Variants in FOXN3 observed in about 807,000 individuals in gnomAD.
FOXN3 encodes forkhead box N3.
A neutral mutation model predicts 38.4 loss-of-function variants in FOXN3; 7 were observed. The ratio of observed to expected loss-of-function variants is 0.18; its 90% confidence interval spans 0.10 to 0.34. The LOEUF (loss-of-function observed/expected upper bound fraction) is 0.34, where lower values mean the gene tolerates loss of function less well. Ranked by LOEUF, FOXN3 falls within the 10% of genes least tolerant of loss-of-function variation. The pLI is 1.00. For missense variants in FOXN3, 456 were observed against 613.4 expected, an observed-to-expected ratio of 0.74 and a Z score of 2.71; for synonymous variants, 230 against 242.2, an observed-to-expected ratio of 0.95 and a Z score of 0.47.
chr14:89,523,793 C>T (rs1596307029), intron 1 of FOXN3, among the ~76,000 whole-genome samples: 2 of 151,762 alleles, frequency 1.3e-5, no homozygotes, highest in South Asian at 4.2e-4. Flanking sequence ...GACAGAGTCT[C>T]GCTCTGTCAC....
rs1430110429 is a variant in FOXN3, at chr14:89,451,734, C to T, written c.-14-39244G>A. Among the ~76,000 whole-genome samples, 3 of 152,248 alleles carry T rather than the reference C, an allele frequency of 2.0e-5. No individual in the cohort carries two copies. The South Asian group carries it at 6.2e-4, about 32-fold the overall frequency. On this transcript the variant is annotated intron_variant, in intron 1 of 6. Transcript: ENST00000345097. ...CACTTTTTTTATCTTCGACTGTATT[C>T]GCTCACTATCCATTTGAAAATTGTT...
intron 1 of FOXN3, among the ~76,000 whole-genome samples, chr14:89,605,883 C>T (rs1407453702): frequency 1.3e-5 from 2 of 151,944 alleles, no homozygotes; most frequent in East Asian, 1.9e-4. Flanking sequence ...GAGAGACTAA[C>T]GCAGGAGGAT....
chr14:89,481,118 T>C (rs1486760374), intron 1 of FOXN3, among the ~76,000 whole-genome samples: 2 of 150,634 alleles, frequency 1.3e-5, no homozygotes, highest in Non-Finnish European at 2.9e-5. Context: ...AACAAATGTG[T>C]AAATAAACTC....
rs141499964 is a variant in FOXN3 at position 89,572,674 on chromosome 14, C to T, written c.-15+46354G>A. Among the ~76,000 whole-genome samples the T allele has an allele frequency of 3.2e-3, 490 of 152,284 alleles. 2 individuals carry two copies. The highest frequency in any genetic ancestry group is 0.011 in the African/African-American group (470 of 41,552). ...TAAAAATAGAACTCTGACATGTTTA[C>T]AAAGATGCAGAGTGCTGGTTAAACA... is the stretch of plus-strand genomic sequence containing the variant. On this transcript the variant is annotated intron_variant, in intron 1 of 6. Coordinates refer to the FOXN3 transcript ENST00000345097.
chr14:89,180,354 A>G (rs1887634030), intron 5 of FOXN3, among the ~76,000 whole-genome samples: 1 of 152,194 alleles, frequency 6.6e-6, no homozygotes, highest in Non-Finnish European at 1.5e-5. Context: ...GGGGAGGGAC[A>G]GGACTGGGTC....
intron 3 of FOXN3, among the ~76,000 whole-genome samples, chr14:89,331,800 T>A (rs2139987031): frequency 6.6e-6 from 1 of 152,390 alleles, no homozygotes; most frequent in African/African-American, 2.4e-5. Flanking sequence ...GTATTTCTTA[T>A]TCTACTGTAT....
chr14:89,214,810 G>T (rs941075590), intron 4 of FOXN3, among the ~76,000 whole-genome samples: 5 of 152,206 alleles, frequency 3.3e-5, no homozygotes, highest in Admixed American at 1.3e-4. Context: ...GTATTTTCTT[G>T]AAAGAAAAAG....
intron 5 of FOXN3, among the ~76,000 whole-genome samples, chr14:89,171,866 T>A (rs1375498645): frequency 2.0e-5 from 3 of 152,122 alleles, no homozygotes; most frequent in African/African-American, 7.2e-5. Context: ...TATTCAGAGG[T>A]CCTGGACTGT....
intron 4 of FOXN3, chr14:89,190,505 TG>T: frequency 6.9e-7 from 1 of 1,445,206 alleles, no homozygotes; most frequent in Non-Finnish European, 9.7e-7. Context: ...TGTGTGTGTG[TG>T]TTTTTCCCCC....
At chr14:89,511,132 C>CTTTTCTTTTCTTTTCT (rs1225407343) in intron 1 of FOXN3, among the ~76,000 whole-genome samples, 5 of 32,866 alleles carry the variant, frequency 1.5e-4, no homozygotes, top group Non-Finnish European at 4.0e-4. Context: ...GTCTTTCTTT[C>CTTTTCTTTTCTTTTCT]TTTCTTTCTT....
intron 2 of FOXN3, among the ~76,000 whole-genome samples, chr14:89,409,952 A>G (rs2140095413): frequency 6.6e-6 from 1 of 152,258 alleles, no homozygotes; most frequent in South Asian, 2.1e-4. Context: ...CTACACAAAA[A>G]TAAGGACCTG....
chr14:89,348,750 AG>A (rs1473428369), intron 3 of FOXN3, among the ~76,000 whole-genome samples: 8 of 151,414 alleles, frequency 5.3e-5, no homozygotes, highest in African/African-American at 1.7e-4. Context: ...TCATTACAAA[AG>A]CTCTGGTTCA....
chr14:89,266,486 C>CG (rs1885982907), intron 4 of FOXN3, among the ~76,000 whole-genome samples: 1 of 151,936 alleles, frequency 6.6e-6, no homozygotes, highest in African/African-American at 2.4e-5. Context: ...TTGGAGGCGG[C>CG]TGGGGGGGCG....
At chr14:89,499,328 C>A (rs927200023) in intron 1 of FOXN3, among the ~76,000 whole-genome samples, 1 of 152,116 alleles carries the variant, frequency 6.6e-6, no homozygotes, top group African/African-American at 2.4e-5. Flanking sequence ...GAGAAACTGT[C>A]CCTGAGCACT....
At chr14:89,242,168 A>G (rs1246062721) in intron 4 of FOXN3, among the ~76,000 whole-genome samples, 1 of 152,206 alleles carries the variant, frequency 6.6e-6, no homozygotes, top group Admixed American at 6.5e-5. Context: ...GAGAACACAG[A>G]AAGTGACAGA....
At chr14:89,495,090 A>G (rs1360484535) in intron 1 of FOXN3, among the ~76,000 whole-genome samples, 1 of 152,218 alleles carries the variant, frequency 6.6e-6, no homozygotes, top group Non-Finnish European at 1.5e-5. Flanking sequence ...TTGGGGTAAT[A>G]TTCATCACGG....
chr14:89,170,191 A>G (rs2139782679), intron 5 of FOXN3, among the ~76,000 whole-genome samples: 1 of 152,332 alleles, frequency 6.6e-6, no homozygotes. Flanking sequence ...TCACAGTTTC[A>G]TTAAAATACC....
intron 2 of FOXN3, among the ~76,000 whole-genome samples, chr14:89,390,293 TTCTCTC>T (rs71130070): frequency 1.3e-4 from 18 of 139,944 alleles, no homozygotes; most frequent in South Asian, 4.5e-4. Context: ...CTCGTTCTCT[TTCTCTC>T]TCTCTCTCTC....
chr14:89,163,038 G>T lies in FOXN3; in HGVS notation c.852-69C>A, dbSNP rs1267439335. The T allele has an allele frequency of 1.0e-5, 14 of 1,402,676 alleles. No homozygotes were observed. Among genetic ancestry groups the T allele is most frequent in the Non-Finnish European group, 1.1e-5 (12 of 1,065,652 alleles). The allele number at this position is 1,402,676 out of a possible 1,614,324, so 86.9% of individuals were successfully genotyped here. Reference sequence around the variant, plus strand: ...GACACAGTTAGACGTCCTCAGATGGGGGCACCCGGCAGCCCGCCTGCATTC... The same window carrying T: ...GACACAGTTAGACGTCCTCAGATGGTGGCACCCGGCAGCCCGCCTGCATTC... On this transcript the variant is annotated intron_variant, in intron 5 of 5. Transcript: ENST00000557258. This position sits in a 1 kb window ranked among gnomAD's most constrained non-coding sequence, Gnocchi z 4.3.
Sources: gnomAD v4.1 joint callset for allele counts (sites outside exome capture counted in the v4.1 genomes callset) on GRCh38, gnomAD v4.1.1 for gene constraint, Gnocchi (gnomAD v3.1) non-coding constraint, MANE v1.5 for transcripts, NCBI Gene and HGNC (gene_info 2026-07-23, HGNC 2026-07-21) for gene names.